The following BCL11B variants were observed in gnomAD, a reference collection of about 807,000 sequenced individuals.
BCL11B encodes B-cell lymphoma/leukemia 11B.
Under a neutral mutation model 49.9 loss-of-function variants are expected in BCL11B, and 8 were observed. The observed-to-expected ratio is 0.16, with a 90% CI of 0.09 to 0.29. The LOEUF is 0.29. Among genes scored for constraint, BCL11B ranks in the 10% least tolerant of loss-of-function variants. The probability of loss-of-function intolerance (pLI) is 1.00; values close to 1 mark genes in which losing one functional copy is unlikely to be tolerated. For missense variants in BCL11B, 1,006 were observed against 1,351.0 expected (o/e 0.74, Z 4.00); for synonymous variants, 739 against 637.4 (o/e 1.16, Z -2.40).
At position 99,170,796 on chromosome 14, in the gene BCL11B, GA is replaced by G. The variant is rs1886264422; in HGVS notation, c.*3354del. The G allele has an allele frequency of 4.3e-6, 1 of 233,112 alleles. No individual in the cohort carries two copies. The highest frequency in any genetic ancestry group is 2.2e-5 in the African/African-American group (1 of 45,328). The allele number at this position is 233,112 out of a possible 1,614,324, so 14.4% of individuals were successfully genotyped here. A position where few individuals can be genotyped will look rare whatever the true frequency, so the allele number is the denominator to read the frequency against. Reference sequence around the variant, plus strand: ...CTGGCTGTGATGGAGTCTCCTTCCTGAAATCCAATTTGTACCGGTCTCAACA... The same window carrying G: ...CTGGCTGTGATGGAGTCTCCTTCCTGAATCCAATTTGTACCGGTCTCAACA... On this transcript the variant is annotated 3_prime_UTR_variant, in exon 4 of 4. Transcript: ENST00000357195.
intron 1 of BCL11B, among the ~76,000 whole-genome samples, chr14:99,270,778 C>T (rs1889649464): frequency 6.7e-6 from 1 of 148,242 alleles, no homozygotes; most frequent in South Asian, 2.1e-4. Flanking sequence ...CCCCCAGCCC[C>T]CTCCCCCTCC....
At chr14:99,196,425 C>T (rs978173802) in intron 3 of BCL11B, among the ~76,000 whole-genome samples, 13 of 152,172 alleles carry the variant, frequency 8.5e-5, no homozygotes, top group Admixed American at 7.2e-4. Flanking sequence ...ACCTCAATGT[C>T]CTGGCATCCT....
intron 2 of BCL11B, among the ~76,000 whole-genome samples, chr14:99,246,463 C>G (rs939507125): frequency 6.6e-6 from 1 of 152,188 alleles, no homozygotes; most frequent in South Asian, 2.1e-4. Context: ...CAGGCGCGCC[C>G]GCAGGCCTGG....
chr14:99,187,277 G>C (rs936305155), intron 3 of BCL11B, among the ~76,000 whole-genome samples: 3 of 152,208 alleles, frequency 2.0e-5, no homozygotes, highest in Non-Finnish European at 2.9e-5. Context: ...GACGCACAGA[G>C]CAATTTTCCA....
intron 1 of BCL11B, among the ~76,000 whole-genome samples, chr14:99,265,468 T>G (rs1889453118): frequency 1.3e-5 from 2 of 150,496 alleles, no homozygotes; most frequent in Admixed American, 6.6e-5. Flanking sequence ...CCCCCTCCCA[T>G]TCCCTCCCCC....
At position 99,242,212 on chromosome 14, in the gene BCL11B, C is replaced by T. The variant is rs977928310; in HGVS notation, c.428-10655G>A. On this transcript the variant is annotated intron_variant, in intron 2 of 3. Coordinates refer to ENST00000357195, the MANE Select transcript of BCL11B (RefSeq NM_138576.4). The surrounding 1 kb of genome is among the most constrained non-coding windows in gnomAD (Gnocchi z 4.4). ...CAGCACTAATCTGCTGGTTAATTAA[C>T]GAGCTGCCACTAACAAAAGATGGAA... 6.6e-6 allele frequency among the ~76,000 whole-genome samples: 1 copy of T among 152,206 alleles called. No homozygotes were observed. The highest frequency in any genetic ancestry group is 1.5e-5 in the Non-Finnish European group (1 of 68,042).
intron 1 of BCL11B, among the ~76,000 whole-genome samples, chr14:99,267,751 C>T (rs1368499206): frequency 6.6e-6 from 1 of 152,160 alleles, no homozygotes; most frequent in Non-Finnish European, 1.5e-5. Flanking sequence ...ACACAGTTAG[C>T]CTAACTTTTG....
At chr14:99,189,935 G>T (rs1156486139) in intron 3 of BCL11B, among the ~76,000 whole-genome samples, 1 of 152,202 alleles carries the variant, frequency 6.6e-6, no homozygotes. Flanking sequence ...AATTCCAAGT[G>T]GCAGGAGCAC....
At chr14:99,186,975 G>A (rs1886871146) in intron 3 of BCL11B, among the ~76,000 whole-genome samples, 1 of 152,166 alleles carries the variant, frequency 6.6e-6, no homozygotes, top group Non-Finnish European at 1.5e-5. Flanking sequence ...ATTCCAGCAA[G>A]CCTCACATCT....
chr14:99,188,856 CG>C (rs986041578), intron 3 of BCL11B, among the ~76,000 whole-genome samples: 1 of 152,260 alleles, frequency 6.6e-6, no homozygotes, highest in African/African-American at 2.4e-5. Flanking sequence ...AGTCTGCTGT[CG>C]GCCCAGGTTA....
In BCL11B at chr14:99,216,690, G is replaced by C. The variant is rs150069005; in HGVS notation, c.640+14655C>G. On this transcript the variant is annotated intron_variant, in intron 3 of 3. Coordinates refer to ENST00000357195, the MANE Select transcript of BCL11B (RefSeq NM_138576.4). ...AGGAAGAATCAGAAAGTTCAGGGAA[G>C]AAAAATAATCACAAGTGCCCTCACC... Among the ~76,000 whole-genome samples the C allele has an allele frequency of 6.2e-4, 94 of 152,296 alleles. No homozygotes were observed. In the Middle Eastern group the frequency reaches 0.041, roughly 66 times the overall value.
Position 99,232,142 on chromosome 14 carries a change from C to T in BCL11B, c.428-585G>A, listed in dbSNP as rs1477549092. Among the ~76,000 whole-genome samples the T allele has an allele frequency of 6.6e-6, 1 of 152,124 alleles. No individual in the cohort carries two copies. The highest frequency in any genetic ancestry group is 2.4e-5 in the African/African-American group (1 of 41,448). ...GCTCTCTCCAGCCCCAAGCACTGAG[C>T]GTGCTGCACCCAAAACGCAATGCCC... On this transcript the variant is annotated intron_variant, in intron 2 of 3. Coordinates refer to ENST00000357195, the MANE Select transcript of BCL11B (RefSeq NM_138576.4). This position sits in a 1 kb window ranked among gnomAD's most constrained non-coding sequence, Gnocchi z 5.1.
At chr14:99,264,321 A>T (rs899425238) in intron 1 of BCL11B, 2 of 150,166 alleles carry the variant, frequency 1.3e-5, no homozygotes, top group Admixed American at 6.6e-5. Context: ...TTAGCAGTGC[A>T]TCCATTTCTG....
At position 99,205,979 on chromosome 14, in the gene BCL11B, C is replaced by T. The variant is rs1566809521; in HGVS notation, c.640+25366G>A. Among the ~76,000 whole-genome samples the T allele has an allele frequency of 2.0e-5, 3 of 152,256 alleles. No individual in the cohort carries two copies. Among genetic ancestry groups the T allele is most frequent in the South Asian group, 2.1e-4 (1 of 4,816 alleles). On this transcript the variant is annotated intron_variant, in intron 3 of 3. Transcript: ENST00000357195. This position sits in a 1 kb window ranked among gnomAD's most constrained non-coding sequence, Gnocchi z 5.0. ...GTGGGAAGGGAGCCTGAAGTACCCC[C>T]GATACCCTCAACAGAGGACCGAGGC...
chr14:99,233,708 G>A (rs570249980), intron 2 of BCL11B, among the ~76,000 whole-genome samples: 25 of 152,316 alleles, frequency 1.6e-4, no homozygotes, highest in East Asian at 5.8e-4. Flanking sequence ...TCCTGGAAAC[G>A]TCCAAGGTGG....
rs1886468241 is a variant in BCL11B at position 99,175,345 on chromosome 14, G to A, written c.1491C>T (p.Ser497=). Residue 497 remains serine (S), a synonymous_variant, in exon 4 of 4, where the codon TCC becomes TCT. Transcript: ENST00000357195. The part of the protein sequence containing the change: ...RSDDGLSAAS[S]PEPGTSELAG... ...CCAGCTCGCTGGTGCCGGGCTCGGG[G>A]GAGCTGGCGGCCGAGAGCCCGTCGT... The A allele has an allele frequency of 1.3e-6, 2 of 1,560,202 alleles. No homozygotes were observed. The highest frequency in any genetic ancestry group is 2.7e-5 in the African/African-American group (2 of 73,312).
intron 1 of BCL11B, among the ~76,000 whole-genome samples, chr14:99,261,011 T>C (rs936379249): frequency 5.3e-5 from 8 of 152,216 alleles, no homozygotes; most frequent in Non-Finnish European, 1.0e-4. Flanking sequence ...CTTTCAGCGT[T>C]GAAAGTTAAA....
At position 99,174,527 on chromosome 14, in the gene BCL11B, G is replaced by T; in HGVS notation, c.2309C>A (p.Thr770Lys). 1 of 1,519,228 alleles carries T rather than the reference G, an allele frequency of 6.6e-7. No homozygotes were observed. The highest frequency in any genetic ancestry group is 8.8e-7 in the Non-Finnish European group (1 of 1,135,442). The allele number at this position is 1,519,228 out of a possible 1,614,324, so 94.1% of individuals were successfully genotyped here. A position where few individuals can be genotyped will look rare whatever the true frequency, so the allele number is the denominator to read the frequency against. ...LDGGLSGRSG[T>K]ASGGSTPHLG... ...GTGCGGGGTGCTGCCTCCGCTGGCC[G>T]TGCCGCTGCGGCCCGAGAGGCCGCC... The change falls in exon 4 of 4, where the codon ACG (threonine) becomes AAG (lysine). Residue 770 changes from threonine (T) to lysine (K), a missense_variant. Thr to Lys is a moderately conservative substitution (Grantham distance 78). This residue lies in a region of BCL11B where 443 missense variants were observed against 499.7 expected (regional missense o/e 0.89). Coordinates refer to ENST00000357195, the MANE Select transcript of BCL11B (RefSeq NM_138576.4).
At chr14:99,259,202 A>G (rs1017816456) in intron 1 of BCL11B, among the ~76,000 whole-genome samples, 1 of 152,130 alleles carries the variant, frequency 6.6e-6, no homozygotes, top group Non-Finnish European at 1.5e-5. Context: ...TTTAAGTTGT[A>G]TGGTATTTAG....
Sources: allele counts gnomAD v4.1 joint callset (sites outside exome capture counted in the v4.1 genomes callset), GRCh38; gene constraint gnomAD v4.1.1; regional missense constraint gnomAD v4.1.1; non-coding constraint Gnocchi (gnomAD v3.1); transcripts MANE v1.5; gene names NCBI Gene and HGNC (gene_info 2026-07-23, HGNC 2026-07-21).